The following ATRNL1 variants were observed in gnomAD, a reference collection of about 807,000 sequenced individuals.
The protein encoded by ATRNL1 is attractin-like protein 1.
ATRNL1 carries 95 observed loss-of-function variants against 182.7 expected under a neutral mutation model. The ratio of observed to expected loss-of-function variants is 0.52; its 90% CI spans 0.44 to 0.62. The LOEUF is 0.62. ATRNL1 is among the 20% of genes least tolerant of loss of function. The probability of loss-of-function intolerance (pLI) is 0.00; values close to 1 mark genes in which losing one functional copy is unlikely to be tolerated. For synonymous variants in ATRNL1, 576 were observed against 568.3 expected, an observed-to-expected ratio of 1.01 and a Z score of -0.19; for missense variants, 1,471 against 1,679.5, an observed-to-expected ratio of 0.88 and a Z score of 2.17.
At chr10:115,918,928 A>G (rs1952961054) in intron 28 of ATRNL1, among the ~76,000 whole-genome samples, 2 of 152,230 alleles carry the variant, frequency 1.3e-5, no homozygotes, top group Non-Finnish European at 2.9e-5. Context: ...ATAAGGATGT[A>G]AAATATTTCC....
At chr10:115,127,262 A>G (rs548282583) in intron 3 of ATRNL1, among the ~76,000 whole-genome samples, 1 of 152,272 alleles carries the variant, frequency 6.6e-6, no homozygotes, top group East Asian at 1.9e-4. Flanking sequence ...GTGAAGTTTT[A>G]TATGAATTAA....
At chr10:115,159,463 AT>A (rs1167394408) in intron 5 of ATRNL1, among the ~76,000 whole-genome samples, 181 of 150,832 alleles carry the variant, frequency 1.2e-3, no homozygotes, top group African/African-American at 4.1e-3. Context: ...ATGATGCATA[AT>A]TTTTTTTTCT....
At chr10:115,560,373 C>T (rs782214602) in intron 26 of ATRNL1, among the ~76,000 whole-genome samples, 2 of 152,084 alleles carry the variant, frequency 1.3e-5, no homozygotes, top group Non-Finnish European at 2.9e-5. Flanking sequence ...AGAGACCCTC[C>T]CCATGATTCA....
At chr10:115,177,912 G>GTTTTTTTTTTTGTTTTTTT in intron 8 of ATRNL1, among the ~76,000 whole-genome samples, 1 of 71,060 alleles carries the variant, frequency 1.4e-5, no homozygotes, top group East Asian at 4.3e-4. Flanking sequence ...TGTTTTTTTT[G>GTTTTTTTTTTTGTTTTTTT]TTTTTTTTTT....
At chr10:115,718,096 C>A (rs1475445965) in intron 26 of ATRNL1, among the ~76,000 whole-genome samples, 1 of 152,136 alleles carries the variant, frequency 6.6e-6, no homozygotes, top group Non-Finnish European at 1.5e-5. Context: ...ATCTATATGG[C>A]TGATTTCCCA....
rs781986541 is a variant in ATRNL1, at chr10:115,302,003, A to G, written c.2778A>G (p.Pro926=). The G allele has an allele frequency of 2.5e-6, 4 of 1,613,894 alleles. No homozygotes were observed. Among genetic ancestry groups the G allele is most frequent in the Non-Finnish European group, 2.5e-6 (3 of 1,179,870 alleles). The change falls in exon 17 of 29, where the codon CCA becomes CCG. Residue 926 remains proline, a synonymous_variant. Coordinates refer to ENST00000355044, the MANE Select transcript of ATRNL1 (RefSeq NM_207303.4). ...VDSNAYIISF[P]YGQCLEWQTA... ...CTAATGCCTATATCATCTCTTTTCCATATGGACAATGTCTAGAGTGGCAAA... is the reference window on the plus strand; with the variant it reads ...CTAATGCCTATATCATCTCTTTTCCGTATGGACAATGTCTAGAGTGGCAAA...
chr10:115,780,412 C>T (rs1949234723), intron 27 of ATRNL1, among the ~76,000 whole-genome samples: 1 of 152,168 alleles, frequency 6.6e-6, no homozygotes, highest in Non-Finnish European at 1.5e-5. Flanking sequence ...CTAGGCAAGT[C>T]CTAGTGCTGT....
chr10:115,302,033 C>T lies in ATRNL1; in HGVS notation c.2808C>T (p.Ala936=). 6.2e-7 allele frequency: 1 copy of T among 1,611,780 alleles called. No homozygotes were observed. Among genetic ancestry groups the T allele is most frequent in the African/African-American group, 1.3e-5 (1 of 74,944 alleles). Residue 936 remains alanine, a synonymous_variant, in exon 17 of 29, where the codon GCC becomes GCT. Transcript: ENST00000355044. ...PYGQCLEWQT[A]TCSPQNCSGL... is the part of the protein sequence containing the mutation. ...GACAATGTCTAGAGTGGCAAACTGC[C>T]ACCTGCTCCCGTAAGTATTTATCTA...
chr10:115,352,484 T>A (rs1339581807), intron 19 of ATRNL1, among the ~76,000 whole-genome samples: 1 of 152,220 alleles, frequency 6.6e-6, no homozygotes, highest in Non-Finnish European at 1.5e-5. Flanking sequence ...TATTTTTATT[T>A]GTTTCAAGCC....
In ATRNL1 at chr10:115,664,094, C is replaced by G. The variant is rs919243635; in HGVS notation, c.3796-63154C>G. Among the ~76,000 whole-genome samples the G allele has an allele frequency of 2.6e-5, 4 of 152,206 alleles. No homozygotes were observed. The South Asian group carries it at 8.3e-4, about 32-fold the overall frequency. ...ATAGCATCCTTCCTTGATTCCTGTTCTCATTGAGACTACCTTCCTGGCCCC... is the reference window on the plus strand; with the variant it reads ...ATAGCATCCTTCCTTGATTCCTGTTGTCATTGAGACTACCTTCCTGGCCCC... On this transcript the variant is annotated intron_variant, in intron 26 of 28. Transcript: ENST00000355044.
chr10:115,157,453 T>C (rs1433338183), intron 5 of ATRNL1, among the ~76,000 whole-genome samples: 1 of 152,156 alleles, frequency 6.6e-6, no homozygotes, highest in Non-Finnish European at 1.5e-5. Context: ...TTATAAATCT[T>C]GTCATTCTAT....
chr10:115,855,864 T>C (rs557171004), intron 28 of ATRNL1, among the ~76,000 whole-genome samples: 1 of 152,304 alleles, frequency 6.6e-6, no homozygotes, highest in South Asian at 2.1e-4. Flanking sequence ...TAAAGCAATT[T>C]ATATTTCCAA....
intron 26 of ATRNL1, among the ~76,000 whole-genome samples, chr10:115,717,709 G>A (rs557943852): frequency 1.4e-4 from 21 of 151,680 alleles, no homozygotes; most frequent in African/African-American, 3.9e-4. Context: ...GTGCCACTAC[G>A]CCCAGCTAAT....
rs1227453636 is a variant in ATRNL1, at chr10:115,357,056, T to C, written c.3175+22637T>C. Among the ~76,000 whole-genome samples, 4 of 152,060 alleles carry C rather than the reference T, an allele frequency of 2.6e-5. No homozygotes were observed. The East Asian group carries it at 7.7e-4, about 29-fold the overall frequency. On this transcript the variant is annotated intron_variant, in intron 19 of 28. Transcript: ENST00000355044. ...GTGATGCTTAGCCCCTATAATGTAT[T>C]GCTTGAGGTTTGCATTACAAGAATA...
chr10:115,666,088 A>T (rs1176901306), intron 26 of ATRNL1, among the ~76,000 whole-genome samples: 2 of 152,168 alleles, frequency 1.3e-5, no homozygotes, highest in East Asian at 3.9e-4. Context: ...AATTCAAAGG[A>T]CACCTGTAAG....
intron 5 of ATRNL1, among the ~76,000 whole-genome samples, chr10:115,134,694 C>T (rs1298083331): frequency 6.6e-6 from 1 of 152,168 alleles, no homozygotes; most frequent in African/African-American, 2.4e-5. Context: ...ATGAGGCCAG[C>T]ATCATCCTGA....
chr10:115,146,802 CTT>C (rs35914807), intron 5 of ATRNL1, among the ~76,000 whole-genome samples: 1 of 145,704 alleles, frequency 6.9e-6, no homozygotes, highest in Admixed American at 6.8e-5. Context: ...TGATTTCATT[CTT>C]TTTTTTTTTT....
chr10:115,505,545 A>G lies in ATRNL1; in HGVS notation c.3655-13718A>G, dbSNP rs139658678. 3.4e-4 allele frequency among the ~76,000 whole-genome samples: 52 copies of G among 152,210 alleles called. No individual in the cohort carries two copies. The East Asian group carries it at 9.9e-3, about 29-fold the overall frequency. ...AGAAGTTCCTCCCCAAAAGGGAGCT[A>G]GGTACCTTCTTTGATTTCTTTAAGG... On this transcript the variant is annotated intron_variant, in intron 24 of 28. Transcript: ENST00000355044.
intron 20 of ATRNL1, among the ~76,000 whole-genome samples, chr10:115,401,205 A>G (rs1391089987): frequency 1.3e-5 from 2 of 152,066 alleles, no homozygotes; most frequent in Admixed American, 1.3e-4. Flanking sequence ...ATGGGCACTT[A>G]CAGAGACCAG....
Sources: allele counts gnomAD v4.1 joint callset (sites outside exome capture counted in the v4.1 genomes callset), GRCh38; gene constraint gnomAD v4.1.1; transcripts MANE v1.5; gene names NCBI Gene and HGNC (gene_info 2026-07-23, HGNC 2026-07-21).